Variants in EPHA1 observed in about 807,000 individuals in gnomAD.
EPHA1 encodes the protein ephrin type-A receptor 1.
In EPHA1, 92 loss-of-function variants were observed where a neutral mutation model predicts 110.1. That is an observed-to-expected ratio of 0.84 (90% CI 0.71 to 0.99). The LOEUF is 0.99. EPHA1 is among the 50% of genes least tolerant of loss of function. The probability of loss-of-function intolerance (pLI) is 0.00; values close to 1 mark genes in which losing one functional copy is unlikely to be tolerated. For synonymous variants in EPHA1, 500 were observed against 516.1 expected (o/e 0.97, Z 0.42); for missense variants, 1,204 against 1,285.4 (o/e 0.94, Z 0.97).
intron 2 of EPHA1, among the ~76,000 whole-genome samples, chr7:143,404,699 C>T (rs576511253): frequency 1.3e-5 from 2 of 152,176 alleles, no homozygotes; most frequent in African/African-American, 4.8e-5. Flanking sequence ...TGATCTTGTG[C>T]AAGACATATG....
intron 2 of EPHA1, among the ~76,000 whole-genome samples, chr7:143,404,653 G>A (rs145984656): frequency 9.3e-4 from 141 of 151,778 alleles, no homozygotes; most frequent in African/African-American, 3.3e-3. Context: ...GTGTAGGCTC[G>A]TTTTTGGACT....
Position 143,405,436 on chromosome 7 carries a change from C to CGTGT in EPHA1, c.150+2171_150+2174dup, listed in dbSNP as rs71523910. Among the ~76,000 whole-genome samples, 815 of 149,438 alleles carry CGTGT rather than the reference C, an allele frequency of 5.5e-3. 3 individuals are homozygous for CGTGT. The highest frequency in any genetic ancestry group is 0.019 in the South Asian group (88 of 4,694). On this transcript the variant is annotated intron_variant, in intron 2 of 17. Transcript: ENST00000275815. ...CTGAATGCCTGCGTGTGCATGTGTG[C>CGTGT]GTGTGTGTGTGTGTGTGTGTGTGTG...
At position 143,391,609 on chromosome 7, in the gene EPHA1, C is replaced by T. The variant is rs1183564383; in HGVS notation, c.2852+11G>A. 14 of 1,614,060 alleles carry T rather than the reference C, an allele frequency of 8.7e-6. No homozygotes were observed. The highest frequency in any genetic ancestry group is 1.2e-5 in the Non-Finnish European group (14 of 1,180,024). ...CAGCCCTCCCCTGCCCAGACAGCTC[C>T]AGCTCCTTACTCAGCGGTCAGCTCC... is the stretch of plus-strand genomic sequence containing the variant. On this transcript the variant is annotated intron_variant, in intron 17 of 17. Coordinates refer to ENST00000275815, the MANE Select transcript of EPHA1 (RefSeq NM_005232.5).
At chr7:143,402,642 T>C (rs1366700875) in intron 2 of EPHA1, among the ~76,000 whole-genome samples, 1 of 152,156 alleles carries the variant, frequency 6.6e-6, no homozygotes, top group African/African-American at 2.4e-5. Flanking sequence ...ACTTTTAAAC[T>C]TAGTAATATT....
Position 143,393,742 on chromosome 7 carries a change from C to G in EPHA1, c.2625G>C (p.Lys875Asn). 1 of 1,613,910 alleles carries G rather than the reference C, an allele frequency of 6.2e-7. No individual in the cohort carries two copies. The highest frequency in any genetic ancestry group is 8.5e-7 in the Non-Finnish European group (1 of 1,179,922). Residue 875 changes from lysine (K) to asparagine (N), a missense_variant, in exon 16 of 18, where the codon AAG (lysine) becomes AAC (asparagine). By Grantham distance (94) the Lys-to-Asn change is moderately conservative (BLOSUM62 0). Transcript: ENST00000275815. The surrounding 1 kb of genome is among the most constrained non-coding windows in gnomAD (Gnocchi z 5.6). ...YDRARRPHFQ[K>N]LQAHLEQLLA... ...GCAGTTGCTCCAGATGTGCCTGAAG[C>G]TTCTGGAAGTGTGGCCGGCGGGCAC...
At chr7:143,402,444 G>GT (rs901862260) in intron 2 of EPHA1, among the ~76,000 whole-genome samples, 2 of 152,118 alleles carry the variant, frequency 1.3e-5, no homozygotes, top group African/African-American at 4.8e-5. Flanking sequence ...TGGAGCTGGA[G>GT]TGCAGTGGCA....
rs1172588779 is a variant in EPHA1, at chr7:143,393,077, C to T, written c.2696+594G>A. 6.6e-6 allele frequency among the ~76,000 whole-genome samples: 1 copy of T among 152,174 alleles called. No homozygotes were observed. Among genetic ancestry groups the T allele is most frequent in the African/African-American group, 2.4e-5 (1 of 41,448 alleles). On this transcript the variant is annotated intron_variant, in intron 16 of 17. Coordinates refer to ENST00000275815, the MANE Select transcript of EPHA1 (RefSeq NM_005232.5). The surrounding 1 kb of genome is among the most constrained non-coding windows in gnomAD (Gnocchi z 5.6). ...TCCTAAACACAATGCCGCAGCCATC[C>T]TGCACTATCTGCAACCTACCAGCCC... is the stretch of plus-strand genomic sequence containing the variant.
Position 143,393,803 on chromosome 7 carries a change from A to G in EPHA1, c.2564T>C (p.Leu855Pro). The change falls in exon 16 of 18, where the codon CTG (leucine) becomes CCG (proline). Residue 855 changes from leucine (L) to proline (P), a missense_variant. Coordinates refer to ENST00000275815, the MANE Select transcript of EPHA1 (RefSeq NM_005232.5). This position sits in a 1 kb window ranked among gnomAD's most constrained non-coding sequence, Gnocchi z 5.6. ...LPPPVDCPAP[L>P]YELMKNCWAY... The stretch of plus-strand genomic sequence containing the variant: ...CCAGCAGTTCTTCATGAGCTCATAC[A>G]GAGGGGCAGGGCAGTCCACAGGAGG... 2 of 1,609,718 alleles carry G rather than the reference A, an allele frequency of 1.2e-6. No individual in the cohort carries two copies. The highest frequency in any genetic ancestry group is 1.7e-6 in the Non-Finnish European group (2 of 1,177,336).
intron 2 of EPHA1, among the ~76,000 whole-genome samples, chr7:143,404,777 C>T (rs528888255): frequency 1.0e-3 from 154 of 152,252 alleles, no homozygotes; most frequent in African/African-American, 2.9e-3. Context: ...TCTTCAAAAA[C>T]TCTTCTCAAC....
In EPHA1 at chr7:143,400,045, C is replaced by T. The variant is rs747225304; in HGVS notation, c.441G>A (p.Thr147=). The change falls in exon 4 of 18, where the codon ACG becomes ACA. Residue 147 remains threonine (T), a synonymous_variant. Transcript: ENST00000275815. ...LRRPLFQKVT[T]VAADQSFTIR... Reference sequence around the variant, plus strand: ...TGGTGAAGCTCTGGTCTGCAGCCACCGTGGTTACCTGGGTAGAAGGTGGGG... The same window carrying T: ...TGGTGAAGCTCTGGTCTGCAGCCACTGTGGTTACCTGGGTAGAAGGTGGGG... 2.9e-5 allele frequency: 46 copies of T among 1,598,604 alleles called. No homozygotes were observed. Among genetic ancestry groups the T allele is most frequent in the Admixed American group, 5.1e-5 (3 of 59,216 alleles).
At position 143,398,632 on chromosome 7, in the gene EPHA1, G is replaced by A; in HGVS notation, c.1305C>T (p.Ser435=). The change falls in exon 6 of 18, where the codon AGC becomes AGT. Residue 435 remains serine, a synonymous_variant. Coordinates refer to ENST00000275815, the MANE Select transcript of EPHA1 (RefSeq NM_005232.5). ...VSGLGSSGHA[S]TSVSISMGHA... ...GCCCCATGCTGATGCTGACTGAGGT[G>A]CTGGCATGGCCAGAGCTGCCCAGCC... 1.2e-6 allele frequency: 2 copies of A among 1,614,036 alleles called. No homozygotes were observed. The highest frequency in any genetic ancestry group is 8.5e-7 in the Non-Finnish European group (1 of 1,179,968).
Position 143,395,634 on chromosome 7 carries a change from G to T in EPHA1, c.1898-130C>A. ...CAGAAGCGTGGAGTGCCCTTCCTGG[G>T]ACAGGGCGTGGGCTGTCCTTCCTGG... On this transcript the variant is annotated intron_variant, in intron 11 of 17. Coordinates refer to ENST00000275815, the MANE Select transcript of EPHA1 (RefSeq NM_005232.5). The surrounding 1 kb of genome is among the most constrained non-coding windows in gnomAD (Gnocchi z 4.7). 1.0e-6 allele frequency: 1 copy of T among 980,360 alleles called. No homozygotes were observed. Among genetic ancestry groups the T allele is most frequent in the South Asian group, 1.7e-5 (1 of 60,340 alleles). The allele number at this position is 980,360 out of a possible 1,614,324, so 60.7% of individuals were successfully genotyped here. A position where few individuals can be genotyped will look rare whatever the true frequency, so the allele number is the denominator to read the frequency against.
At chr7:143,394,564 G>A (rs1805189353) in intron 14 of EPHA1, among the ~76,000 whole-genome samples, 1 of 152,120 alleles carries the variant, frequency 6.6e-6, no homozygotes, top group South Asian at 2.1e-4. Context: ...GGGACTACAG[G>A]CGCCTGCCAC....
chr7:143,400,179 G>T, intron 3 of EPHA1, 126 bp from the exon 4 acceptor site: 1 of 1,136,808 alleles, frequency 8.8e-7, no homozygotes, highest in Non-Finnish European at 1.2e-6. Flanking sequence ...TGTGTGAGGT[G>T]CCAGGCTAAG....
intron 15 of EPHA1, 98 bp downstream of exon 15, chr7:143,394,092 GAATA>G (rs1805169821): frequency 2.7e-6 from 4 of 1,462,542 alleles, no homozygotes; most frequent in African/African-American, 1.4e-5. Context: ...TGAAGGTCAT[GAATA>G]AATAAAGATA....
rs145891509 is a variant in EPHA1 at position 143,398,769 on chromosome 7, C to T, written c.1168G>A (p.Val390Met). 75 of 1,613,732 alleles carry T rather than the reference C, an allele frequency of 4.6e-5. No homozygotes were observed. The highest frequency in any genetic ancestry group is 2.0e-4 in the South Asian group (18 of 91,090). ...CCCCGGGCCCCCGGCGAGAAGTGCACGCCCACCCCACAGGGCTGGCAGGGC... is the reference window on the plus strand; with the variant it reads ...CCCCGGGCCCCCGGCGAGAAGTGCATGCCCACCCCACAGGGCTGGCAGGGC... ...GGPCQPCGVG[V>M]HFSPGARGLT... The change falls in exon 6 of 18, where the codon GTG (valine) becomes ATG (methionine). Residue 390 changes from valine to methionine, a missense_variant. Physicochemically the swap from Val to Met is conservative, Grantham distance 21. Coordinates refer to ENST00000275815, the MANE Select transcript of EPHA1 (RefSeq NM_005232.5).
Position 143,398,932 on chromosome 7 carries a change from G to A in EPHA1, c.1005C>T (p.Ala335=), listed in dbSNP as rs61732991. The change falls in exon 6 of 18, where the codon GCC becomes GCT. Residue 335 remains alanine, a synonymous_variant. Transcript: ENST00000275815. ...PQVACTGPPS[A]PRNLSFSASG... ...AGGCAGAGAAGCTCAGGTTTCGGGG[G>A]GCCGAGGGGGGACCTGTGGGAGAAG... The A allele has an allele frequency of 5.9e-4, 939 of 1,604,090 alleles. 8 individuals carry two copies. In the African/African-American group the frequency reaches 0.011, roughly 19 times the overall value.
chr7:143,398,095 G>A (rs771498303), intron 7 of EPHA1, 25 bp from the exon 8 acceptor site: 3 of 1,612,962 alleles, frequency 1.9e-6, no homozygotes, highest in African/African-American at 2.7e-5. Flanking sequence ...TGCATTAAGT[G>A]GGCAGTGCTG....
Position 143,396,447 on chromosome 7 carries a change from G to A in EPHA1, c.1835C>T (p.Ala612Val). The A allele has an allele frequency of 1.2e-6, 2 of 1,613,954 alleles. No individual in the cohort carries two copies. Among genetic ancestry groups the A allele is most frequent in the African/African-American group, 2.7e-5 (2 of 75,060 alleles). ...LQAYEDPAQG[A>V]LDFTRELDPA... ...ATCAAGCTCCCGGGTAAAGTCCAGG[G>A]CTCCCTGTGCAGGGTCCTCGTATGC... Residue 612 changes from alanine (A) to valine (V), a missense_variant, in exon 11 of 18, where the codon GCC (alanine) becomes GTC (valine). Physicochemically the swap from Ala to Val is moderately conservative, Grantham distance 64. Coordinates refer to ENST00000275815, the MANE Select transcript of EPHA1 (RefSeq NM_005232.5).
Sources: gnomAD v4.1 joint callset for allele counts (sites outside exome capture counted in the v4.1 genomes callset) on GRCh38, gnomAD v4.1.1 for gene constraint, Gnocchi (gnomAD v3.1) non-coding constraint, MANE v1.5 for transcripts, NCBI Gene and HGNC (gene_info 2026-07-23, HGNC 2026-07-21) for gene names.